XKRX: variants seen among roughly 807,000 people sequenced by gnomAD.
The protein encoded by XKRX is XK-related protein 2.
In XKRX, 11 loss-of-function variants were observed where a neutral mutation model predicts 22.4. The observed-to-expected ratio is 0.49, with a 90% CI of 0.31 to 0.81. The LOEUF (loss-of-function observed/expected upper bound fraction) is 0.81, where lower values mean the gene tolerates loss of function less well. XKRX is among the 40% of genes least tolerant of loss of function. The pLI is 0.05. For synonymous variants in XKRX, 114 were observed against 132.2 expected (o/e 0.86, Z 0.94); for missense variants, 320 against 336.5 (o/e 0.95, Z 0.38).
At chrX:100,923,707 C>G (rs780913954) in intron 1 of XKRX, among the ~76,000 whole-genome samples, 1 of 111,711 alleles carries the variant, frequency 9.0e-6, no homozygotes, top group South Asian at 3.8e-4. Context: ...TACTGTTTTC[C>G]TAGCAAAATA....
chrX:100,906,234 A>T, the XKRX span, among the ~76,000 whole-genome samples: 4 of 111,730 alleles, frequency 3.6e-5, no homozygotes, highest in African/African-American at 6.5e-5. Flanking sequence ...GTTACAATTG[A>T]TGAAGATACA....
intron 2 of XKRX, 93 bp from the exon 3 acceptor site, chrX:100,915,176 G>C (rs1457949101): frequency 1.0e-6 from 1 of 979,747 alleles, no homozygotes; most frequent in African/African-American, 1.9e-5. Context: ...GAGAGATGAC[G>C]GGTGAGACTT....
downstream of XKRX, among the ~76,000 whole-genome samples, chrX:100,909,141 T>C (rs1327449423): frequency 2.7e-5 from 3 of 111,890 alleles, no homozygotes; most frequent in Non-Finnish European, 3.8e-5. Context: ...GAAAGGTGTG[T>C]AAGGAAGAGC....
At chrX:100,910,581 G>A (rs1222177386), downstream of XKRX, 58 of 192,134 alleles carry the variant, frequency 3.0e-4, no homozygotes, top group Non-Finnish European at 2.6e-4. Flanking sequence ...GCAAAATTCC[G>A]TCTTAAAAAA....
At chrX:100,888,489 CA>C in the XKRX span, 3 of 865,752 alleles carry the variant, frequency 3.5e-6, no homozygotes, top group Admixed American at 2.3e-5. Flanking sequence ...CCCCATCGCT[CA>C]AAATGGCTCC....
chrX:100,952,363 G>T, the XKRX span, among the ~76,000 whole-genome samples: 1 of 109,276 alleles, frequency 9.2e-6, no homozygotes, highest in African/African-American at 3.3e-5. Flanking sequence ...AAGGTTAGGG[G>T]TGGCAGTGGC....
chrX:100,954,272 A>T, the XKRX span, among the ~76,000 whole-genome samples: 7 of 111,144 alleles, frequency 6.3e-5, no homozygotes, highest in Admixed American at 9.6e-5. Flanking sequence ...TACAAAACTT[A>T]GCCAGGTGTG....
At chrX:100,908,277 T>C in the XKRX span, among the ~76,000 whole-genome samples, 1 of 110,340 alleles carries the variant, frequency 9.1e-6, no homozygotes, top group Non-Finnish European at 1.9e-5. Context: ...CCACCACGCC[T>C]GGCTAATTTT....
chrX:100,952,520 C>T, the XKRX span, among the ~76,000 whole-genome samples: 1 of 110,456 alleles, frequency 9.1e-6, no homozygotes, highest in Non-Finnish European at 1.9e-5. Context: ...CTCAATAAGG[C>T]AAGAAAAATG....
the XKRX span, among the ~76,000 whole-genome samples, chrX:100,949,291 C>T: frequency 9.0e-6 from 1 of 110,780 alleles, no homozygotes; most frequent in Non-Finnish European, 1.9e-5. Flanking sequence ...CACTCCAACA[C>T]AGACCTGCAC....
chrX:100,930,015 A>G (rs991637781), upstream of XKRX, among the ~76,000 whole-genome samples: 1 of 111,278 alleles, frequency 9.0e-6, no homozygotes. Context: ...AAGGCCAGGC[A>G]CAGTGGTTCA....
intron 2 of XKRX, among the ~76,000 whole-genome samples, chrX:100,917,718 G>GAAAGAA (rs1556194341): frequency 2.2e-4 from 19 of 85,821 alleles, no homozygotes; most frequent in African/African-American, 7.0e-4. Context: ...AAGAAAGAAA[G>GAAAGAA]AAAGAAATCC....
At chrX:100,906,088 A>C in the XKRX span, among the ~76,000 whole-genome samples, 1 of 111,698 alleles carries the variant, frequency 9.0e-6, no homozygotes, top group Non-Finnish European at 1.9e-5. Flanking sequence ...TTCTTTTAAA[A>C]AAGACTACTT....
At chrX:100,896,838 A>G in the XKRX span, among the ~76,000 whole-genome samples, 5 of 111,373 alleles carry the variant, frequency 4.5e-5, no homozygotes, top group Non-Finnish European at 9.4e-5. Context: ...TAAAAAAATT[A>G]TTAGAAAAAA....
downstream of XKRX, chrX:100,911,475 C>G (rs969333990): frequency 6.9e-6 from 6 of 865,654 alleles, no homozygotes; most frequent in African/African-American, 1.2e-4. Flanking sequence ...TGCATAAATG[C>G]AGTCTTACTG....
Position 100,914,583 on chromosome X carries a change from A to G in XKRX, c.1105T>C (p.Phe369Leu). 1 of 1,212,100 alleles carries G rather than the reference A, an allele frequency of 8.3e-7. No individual in the cohort carries two copies. Among genetic ancestry groups the G allele is most frequent in the Non-Finnish European group, 1.1e-6 (1 of 895,600 alleles). The change falls in exon 3 of 3, where the codon TTC (phenylalanine) becomes CTC (leucine). Residue 369 changes from phenylalanine to leucine, a missense_variant. Phe to Leu is a conservative substitution (Grantham distance 22). Coordinates refer to ENST00000372956, the MANE Select transcript of XKRX (RefSeq NM_212559.3). ...ENVIMVLVFK[F>L]FGVKVLLNYC... ...TTCAGTAACACTTTCACTCCAAAGA[A>G]CTTAAAAACCAAGACCATGATCACA...
chrX:100,943,095 T>C, the XKRX span, among the ~76,000 whole-genome samples: 1 of 111,606 alleles, frequency 9.0e-6, no homozygotes, highest in Non-Finnish European at 1.9e-5. Context: ...ATCCTAGTTA[T>C]GCAACTAACT....
the XKRX span, chrX:100,956,652 T>C: frequency 1.8e-6 from 1 of 544,093 alleles, no homozygotes; most frequent in Non-Finnish European, 3.4e-6. Context: ...AATATAGACA[T>C]GTGACCCTCT....
At chrX:100,890,306 G>A in the XKRX span, among the ~76,000 whole-genome samples, 1 of 110,901 alleles carries the variant, frequency 9.0e-6, no homozygotes, top group Non-Finnish European at 1.9e-5. Flanking sequence ...ATATTAAAAT[G>A]AAAGTAATTG....
Sources: gnomAD v4.1 joint callset for allele counts (sites outside exome capture counted in the v4.1 genomes callset) on GRCh38, gnomAD v4.1.1 for gene constraint, MANE v1.5 for transcripts, NCBI Gene and HGNC (gene_info 2026-07-23, HGNC 2026-07-21) for gene names.